Variants in AGPAT5 observed in about 807,000 individuals in gnomAD.
AGPAT5 encodes the protein 1-acyl-sn-glycerol-3-phosphate acyltransferase epsilon.
In AGPAT5, 46 loss-of-function variants were observed where a neutral mutation model predicts 45.6. The observed-to-expected ratio is 1.01, with a 90% CI of 0.80 to 1.29. The LOEUF is 1.29. Ranked by LOEUF, AGPAT5 falls within the 50% of genes most tolerant of loss-of-function variation. The probability of loss-of-function intolerance (pLI) is 0.00; values close to 1 mark genes in which losing one functional copy is unlikely to be tolerated. For synonymous variants in AGPAT5, 272 were observed against 167.0 expected (o/e 1.63, Z -4.85); for missense variants, 673 against 450.7 (o/e 1.49, Z -4.47).
chr8:6,757,365 C>T lies in AGPAT5; in HGVS notation c.1072C>T (p.Leu358=), dbSNP rs1264630582. ...GATATATGGAACCCTACTTGGCTGC[C>T]TGTGGGTTACTATTAAAGCATAGAC... The part of the protein sequence containing the change: ...TWIYGTLLGC[L]WVTIKA Residue 358 remains leucine (L), a synonymous_variant, in exon 8 of 8, where the codon CTG becomes TTG. Coordinates refer to ENST00000285518, the MANE Select transcript of AGPAT5 (RefSeq NM_018361.5). 2.5e-6 allele frequency: 4 copies of T among 1,614,100 alleles called. No homozygotes were observed. The highest frequency in any genetic ancestry group is 2.2e-5 in the South Asian group (2 of 91,078).
At chr8:6,722,332 A>G (rs532174951) in intron 1 of AGPAT5, among the ~76,000 whole-genome samples, 1 of 152,326 alleles carries the variant, frequency 6.6e-6, no homozygotes, top group African/African-American at 2.4e-5. Flanking sequence ...CCAAAGTAGC[A>G]TATTTGGGTG....
intron 1 of AGPAT5, among the ~76,000 whole-genome samples, chr8:6,709,739 A>G (rs1273380022): frequency 1.3e-5 from 2 of 151,358 alleles, no homozygotes; most frequent in African/African-American, 2.4e-5. Context: ...TTCCACCTAC[A>G]GCAGCTGTTT....
At position 6,760,976 on chromosome 8, in the gene AGPAT5, TATC is replaced by T. The variant is rs2116983428; in HGVS notation, c.*3593_*3595del. Among the ~76,000 whole-genome samples the T allele has an allele frequency of 6.6e-6, 1 of 152,350 alleles. No individual in the cohort carries two copies. Among genetic ancestry groups the T allele is most frequent in the South Asian group, 2.1e-4 (1 of 4,830 alleles). ...TAGAGTAGCTACAACTCTTCGATAC[TATC>T]ATCAATATTTGACATCTTTTCCAAT... On this transcript the variant is annotated 3_prime_UTR_variant, in exon 8 of 8. Coordinates refer to ENST00000285518, the MANE Select transcript of AGPAT5 (RefSeq NM_018361.5).
intron 1 of AGPAT5, among the ~76,000 whole-genome samples, chr8:6,719,248 A>T (rs75745711): frequency 0.034 from 5,136 of 152,312 alleles, 152 homozygotes; most frequent in African/African-American, 0.076. Flanking sequence ...ATTATTTTAC[A>T]TTAGGTTCAA....
chr8:6,760,126 G>A lies in AGPAT5; in HGVS notation c.*2738G>A, dbSNP rs761530457. Among the ~76,000 whole-genome samples the A allele has an allele frequency of 1.3e-5, 2 of 152,008 alleles. No individual in the cohort carries two copies. Among genetic ancestry groups the A allele is most frequent in the Non-Finnish European group, 2.9e-5 (2 of 68,028 alleles). On this transcript the variant is annotated 3_prime_UTR_variant, in exon 8 of 8. Transcript: ENST00000285518. ...TGTTCATAATTATATTCTTTGAATA[G>A]GTCTGTGTCAATCAAGTGATCTAAC...
intron 4 of AGPAT5, among the ~76,000 whole-genome samples, chr8:6,733,248 G>A (rs1800932050): frequency 1.3e-5 from 2 of 152,170 alleles, no homozygotes; most frequent in Non-Finnish European, 2.9e-5. Flanking sequence ...GGCGACTTGG[G>A]CTTTCTCTTT....
At chr8:6,738,081 A>G (rs555633807) in intron 4 of AGPAT5, among the ~76,000 whole-genome samples, 1 of 152,340 alleles carries the variant, frequency 6.6e-6, no homozygotes, top group African/African-American at 2.4e-5. Context: ...TCATGTGTTC[A>G]GTGAAGTAGC....
intron 6 of AGPAT5, among the ~76,000 whole-genome samples, chr8:6,750,970 T>C (rs1303651028): frequency 6.6e-6 from 1 of 152,240 alleles, no homozygotes; most frequent in Non-Finnish European, 1.5e-5. Context: ...TAAGATATAA[T>C]AATAACACGT....
chr8:6,718,796 C>CT (rs1423042892), intron 1 of AGPAT5, among the ~76,000 whole-genome samples: 4 of 152,192 alleles, frequency 2.6e-5, no homozygotes, highest in African/African-American at 9.7e-5. Flanking sequence ...TCAGGTTATT[C>CT]TTTCATTCCT....
intron 5 of AGPAT5, chr8:6,745,080 T>C (rs80095024): frequency 1.3e-5 from 2 of 152,482 alleles, no homozygotes; most frequent in South Asian, 4.1e-4. Flanking sequence ...CAGAAAGTTA[T>C]ATTTCTCTGG....
At chr8:6,712,121 T>G (rs1218019342) in intron 1 of AGPAT5, among the ~76,000 whole-genome samples, 8 of 152,198 alleles carry the variant, frequency 5.3e-5, no homozygotes, top group Non-Finnish European at 1.2e-4. Context: ...TTTCTTTAGG[T>G]ATTTACGTAT....
At chr8:6,746,733 G>C (rs1801481107) in intron 5 of AGPAT5, among the ~76,000 whole-genome samples, 1 of 152,176 alleles carries the variant, frequency 6.6e-6, no homozygotes, top group African/African-American at 2.4e-5. Context: ...CCATGTAATA[G>C]CTGTTCTTCC....
chr8:6,711,800 A>T (rs938575707), intron 1 of AGPAT5, among the ~76,000 whole-genome samples: 5 of 152,066 alleles, frequency 3.3e-5, no homozygotes, highest in African/African-American at 9.7e-5. Flanking sequence ...GGGCCCCATC[A>T]CTTTAACCTC....
At chr8:6,749,186 A>T (rs961056337) in intron 6 of AGPAT5, among the ~76,000 whole-genome samples, 4 of 152,184 alleles carry the variant, frequency 2.6e-5, no homozygotes, top group Non-Finnish European at 5.9e-5. Flanking sequence ...TAATGATAAG[A>T]TGAGGGTCAC....
At chr8:6,728,892 C>T (rs185596219) in intron 2 of AGPAT5, among the ~76,000 whole-genome samples, 1 of 152,214 alleles carries the variant, frequency 6.6e-6, no homozygotes, top group African/African-American at 2.4e-5. Context: ...GAGAGGGCTT[C>T]AACAGGAATT....
At position 6,758,611 on chromosome 8, in the gene AGPAT5, TAATTTGTCATGACTGA is replaced by T. The variant is rs1213093242; in HGVS notation, c.*1225_*1240del. On this transcript the variant is annotated 3_prime_UTR_variant, in exon 8 of 8. Transcript: ENST00000285518. ...TTCTCAAGCCAGTGAAATACAGACT[TAATTTGTCATGACTGA>T]ACGAATTTGTTTATTTCCCATTAGG... 6.6e-6 allele frequency: 1 copy of T among 152,508 alleles called. No homozygotes were observed. Among genetic ancestry groups the T allele is most frequent in the African/African-American group, 2.4e-5 (1 of 41,480 alleles). 9.4% of individuals were successfully genotyped at this position (152,508 alleles called of 1,614,324 possible).
At position 6,755,110 on chromosome 8, in the gene AGPAT5, G is replaced by C. The variant is rs1801790814; in HGVS notation, c.805G>C (p.Asp269His). 1.2e-6 allele frequency: 2 copies of C among 1,607,624 alleles called. No individual in the cohort carries two copies. The highest frequency in any genetic ancestry group is 1.7e-6 in the Non-Finnish European group (2 of 1,178,596). ...HIHIDRIDKK[D>H]VPEEQEHMRR... Reference sequence around the variant, plus strand: ...TCACATTGATCGTATCGACAAAAAAGATGTCCCAGAAGAACAAGAACATAT... The same window carrying C: ...TCACATTGATCGTATCGACAAAAAACATGTCCCAGAAGAACAAGAACATAT... The change falls in exon 7 of 8, where the codon GAT (aspartate) becomes CAT (histidine). Residue 269 changes from aspartate (D) to histidine (H), a missense_variant. Asp to His is a moderately conservative substitution (Grantham distance 81). Coordinates refer to ENST00000285518, the MANE Select transcript of AGPAT5 (RefSeq NM_018361.5).
intron 6 of AGPAT5, among the ~76,000 whole-genome samples, chr8:6,754,629 A>G (rs1206788794): frequency 1.3e-5 from 2 of 152,178 alleles, no homozygotes; most frequent in East Asian, 1.9e-4. Context: ...GTGGGGAGGC[A>G]GCAGTCACCA....
chr8:6,753,136 G>GA (rs1801711652), intron 6 of AGPAT5, among the ~76,000 whole-genome samples: 1 of 152,184 alleles, frequency 6.6e-6, no homozygotes, highest in South Asian at 2.1e-4. Flanking sequence ...TACGTTTTAG[G>GA]AAAAACAAAA....
Sources: gnomAD v4.1 joint callset for allele counts (sites outside exome capture counted in the v4.1 genomes callset) on GRCh38, gnomAD v4.1.1 for gene constraint, MANE v1.5 for transcripts, NCBI Gene and HGNC (gene_info 2026-07-23, HGNC 2026-07-21) for gene names.